The following LYPLAL1 variants were observed in gnomAD, a reference collection of about 807,000 sequenced individuals.
LYPLAL1 encodes lysophospholipase like 1.
In LYPLAL1, 23 loss-of-function variants were observed where a neutral mutation model predicts 19.7. That is an observed-to-expected ratio of 1.17 (90% confidence interval 0.84 to 1.65). The LOEUF is 1.65. Among genes scored for constraint, LYPLAL1 ranks in the 40% most tolerant of loss-of-function variants. The probability of loss-of-function intolerance (pLI) is 0.00; values close to 1 mark genes in which losing one functional copy is unlikely to be tolerated. For missense variants in LYPLAL1, 355 were observed against 279.4 expected, an observed-to-expected ratio of 1.27 and a Z score of -1.93; for synonymous variants, 119 against 96.3, an observed-to-expected ratio of 1.24 and a Z score of -1.38.
At chr1:219,215,755 G>A (rs1659270376), downstream of LYPLAL1, among the ~76,000 whole-genome samples, 1 of 152,084 alleles carries the variant, frequency 6.6e-6, no homozygotes, top group African/African-American at 2.4e-5. Context: ...AGCCAGAGTA[G>A]TCATAAAGCT....
At chr1:219,423,660 T>A in the LYPLAL1 span, among the ~76,000 whole-genome samples, 1 of 152,160 alleles carries the variant, frequency 6.6e-6, no homozygotes. Flanking sequence ...ATATGGAGTT[T>A]ATGGAGAGAT....
chr1:219,417,166 A>G, the LYPLAL1 span, among the ~76,000 whole-genome samples: 1 of 151,840 alleles, frequency 6.6e-6, no homozygotes, highest in African/African-American at 2.4e-5. Context: ...GTTATTCTCT[A>G]CTCTTTGAGG....
intron 3 of LYPLAL1, among the ~76,000 whole-genome samples, chr1:219,195,296 A>G (rs1472368579): frequency 6.6e-6 from 1 of 152,092 alleles, no homozygotes; most frequent in East Asian, 1.9e-4. Context: ...TTGAAAAACT[A>G]ATTTGGCAGA....
chr1:219,183,936 ACT>A (rs1386921535), intron 2 of LYPLAL1, among the ~76,000 whole-genome samples: 3 of 151,720 alleles, frequency 2.0e-5, no homozygotes, highest in South Asian at 2.1e-4. Context: ...TCTTATCTAG[ACT>A]CTATTCCATT....
Position 219,173,969 on chromosome 1 carries a change from C to T in LYPLAL1, c.79C>T (p.Leu27=), listed in dbSNP as rs375534501. 59 of 1,614,120 alleles carry T rather than the reference C, an allele frequency of 3.7e-5. No individual in the cohort carries two copies. The highest frequency in any genetic ancestry group is 6.7e-5 in the Admixed American group (4 of 60,032). Residue 27 remains leucine, a synonymous_variant, in exon 1 of 5, where the codon CTG becomes TTG. Transcript: ENST00000366928. ...AGRHSASLIF[L]HGSGDSGQGL... ...GAGGCATAGCGCCTCTCTGATCTTC[C>T]TGCATGGCTCAGGTGGATTTCAATT...
intron 2 of LYPLAL1, among the ~76,000 whole-genome samples, chr1:219,185,678 G>A (rs148640603): frequency 1.3e-3 from 204 of 151,936 alleles, no homozygotes; most frequent in Middle Eastern, 6.8e-3. Flanking sequence ...GTAATGACTC[G>A]TCGTGTGATT....
At chr1:219,235,288 C>T in the LYPLAL1 span, among the ~76,000 whole-genome samples, 1 of 152,042 alleles carries the variant, frequency 6.6e-6, no homozygotes, top group Non-Finnish European at 1.5e-5. Context: ...ACATCTGAAA[C>T]ATAAAGGTGA....
the LYPLAL1 span, among the ~76,000 whole-genome samples, chr1:219,231,972 C>T: frequency 2.6e-5 from 4 of 152,146 alleles, no homozygotes; most frequent in Non-Finnish European, 5.9e-5. Context: ...TTTCTATGTT[C>T]TCCATGACAC....
chr1:219,241,134 C>CTCTCTCTCTCTCTCTCTATATA, the LYPLAL1 span, among the ~76,000 whole-genome samples: 5 of 44,368 alleles, frequency 1.1e-4, no homozygotes, highest in Non-Finnish European at 2.1e-4. Context: ...CTCTCTCTCT[C>CTCTCTCTCTCTCTCTCTATATA]TATATATATA....
chr1:219,393,357 T>C, the LYPLAL1 span, among the ~76,000 whole-genome samples: 1 of 152,176 alleles, frequency 6.6e-6, no homozygotes, highest in Non-Finnish European at 1.5e-5. Flanking sequence ...ATCTTCATAG[T>C]TCTGTCCTCT....
the LYPLAL1 span, among the ~76,000 whole-genome samples, chr1:219,445,284 G>T: frequency 5.9e-5 from 9 of 151,422 alleles, no homozygotes; most frequent in African/African-American, 1.9e-4. Context: ...TGGATCAATG[G>T]AACTGATGAG....
At chr1:219,296,503 G>A in the LYPLAL1 span, among the ~76,000 whole-genome samples, 2 of 152,118 alleles carry the variant, frequency 1.3e-5, no homozygotes, top group African/African-American at 4.8e-5. Flanking sequence ...TGAGACACCT[G>A]CAGAGGGAAT....
chr1:219,311,841 A>G, the LYPLAL1 span, among the ~76,000 whole-genome samples: 6 of 152,130 alleles, frequency 3.9e-5, no homozygotes, highest in Non-Finnish European at 7.4e-5. Flanking sequence ...TTTCTATTAA[A>G]ATAGTGTTGG....
At chr1:219,198,520 A>T (rs1224531870) in intron 3 of LYPLAL1, 1 of 152,128 alleles carries the variant, frequency 6.6e-6, no homozygotes, top group African/African-American at 2.4e-5. Flanking sequence ...GAAATTACAT[A>T]AGTTATTAAA....
At chr1:219,298,768 C>T in the LYPLAL1 span, among the ~76,000 whole-genome samples, 566 of 152,320 alleles carry the variant, frequency 3.7e-3, 4 homozygotes, top group Middle Eastern at 0.01. Context: ...TGAGGTCATT[C>T]TTTCTTTTTT....
At chr1:219,424,772 A>G in the LYPLAL1 span, among the ~76,000 whole-genome samples, 5 of 152,076 alleles carry the variant, frequency 3.3e-5, no homozygotes, top group South Asian at 2.1e-4. Flanking sequence ...AGATAACTAA[A>G]GGCAGTAGGT....
chr1:219,233,127 A>G, the LYPLAL1 span, among the ~76,000 whole-genome samples: 4 of 152,218 alleles, frequency 2.6e-5, no homozygotes, highest in Non-Finnish European at 5.9e-5. Flanking sequence ...ATGTCCATCA[A>G]TAGATGAATG....
the LYPLAL1 span, among the ~76,000 whole-genome samples, chr1:219,229,294 TGAGAGAGAGAGA>T: frequency 6.2e-3 from 829 of 132,976 alleles, 6 homozygotes; most frequent in Non-Finnish European, 9.0e-3. Context: ...ACAAGCATTT[TGAGAGAGAGAGA>T]GAGAGAGAGA....
chr1:219,184,518 C>A (rs965216244), intron 2 of LYPLAL1, among the ~76,000 whole-genome samples: 20 of 151,770 alleles, frequency 1.3e-4, no homozygotes, highest in Non-Finnish European at 2.2e-4. Flanking sequence ...GTGAGTACTT[C>A]CTTCCTGTGT....
Sources: allele counts gnomAD v4.1 joint callset (sites outside exome capture counted in the v4.1 genomes callset), GRCh38; gene constraint gnomAD v4.1.1; transcripts MANE v1.5; gene names NCBI Gene and HGNC (gene_info 2026-07-23, HGNC 2026-07-21).